STK10: variants seen among roughly 807,000 people sequenced by gnomAD.
STK10 encodes serine/threonine kinase 10, also known as serine/threonine-protein kinase 10.
In STK10, 78 loss-of-function variants were observed where a neutral mutation model predicts 113.8. The observed-to-expected ratio is 0.69, with a 90% confidence interval of 0.57 to 0.83. The LOEUF is 0.83. STK10 is among the 40% of genes least tolerant of loss of function. The pLI, the probability that STK10 is intolerant of heterozygous loss-of-function variation, is 0.00. For missense variants in STK10, 1,109 were observed against 1,280.1 expected (o/e 0.87, Z 2.04); for synonymous variants, 465 against 494.7 (o/e 0.94, Z 0.80).
In STK10 at chr5:172,062,222, C is replaced by T. The variant is rs913224876; in HGVS notation, c.2083-954G>A. Among the ~76,000 whole-genome samples the T allele has an allele frequency of 2.0e-5, 3 of 152,188 alleles. No homozygotes were observed. In the East Asian group the frequency reaches 5.8e-4, roughly 29 times the overall value. On this transcript the variant is annotated intron_variant, in intron 13 of 18. Transcript: ENST00000176763. ...TCAACTCCTGGCCTCAAGTGATCCA[C>T]CCGCCTCGGCCTCCCTATTCCTGTG...
chr5:172,101,222 G>A (rs1768982239), intron 7 of STK10, among the ~76,000 whole-genome samples: 1 of 152,004 alleles, frequency 6.6e-6, no homozygotes, highest in African/African-American at 2.4e-5. Flanking sequence ...TGTAATCCCA[G>A]CACTTTGGGA....
intron 2 of STK10, among the ~76,000 whole-genome samples, chr5:172,153,113 C>T (rs1319774052): frequency 6.6e-6 from 1 of 151,874 alleles, no homozygotes; most frequent in African/African-American, 2.4e-5. Flanking sequence ...ATGGAGAAAC[C>T]CCATCTCTAC....
intron 13 of STK10, among the ~76,000 whole-genome samples, chr5:172,063,131 T>C (rs958675226): frequency 7.9e-5 from 12 of 151,932 alleles, no homozygotes; most frequent in Admixed American, 7.9e-4. Flanking sequence ...GCACCTGTAG[T>C]CCCAGCTACT....
At chr5:172,090,986 T>C (rs1768690392) in intron 9 of STK10, among the ~76,000 whole-genome samples, 1 of 142,816 alleles carries the variant, frequency 7.0e-6, no homozygotes, top group Non-Finnish European at 1.5e-5. Context: ...TAACCCTCAC[T>C]GCACCACTTA....
rs72835296 is a variant in STK10 at position 172,042,841 on chromosome 5, T to A, written c.*2041A>T. On this transcript the variant is annotated 3_prime_UTR_variant, in exon 19 of 19. Coordinates refer to ENST00000176763, the MANE Select transcript of STK10 (RefSeq NM_005990.4). The stretch of plus-strand genomic sequence containing the variant: ...TCCAAGAGAATCTTGACTGTGCATT[T>A]AAGATTTGGGCAGTCCCCTTTTCCT... 6.6e-6 allele frequency: 1 copy of A among 152,252 alleles called. No individual in the cohort carries two copies. The highest frequency in any genetic ancestry group is 1.5e-5 in the Non-Finnish European group (1 of 68,052). 9.4% of individuals were successfully genotyped at this position (152,252 alleles called of 1,614,324 possible).
At chr5:172,092,098 C>A (rs983387467) in intron 9 of STK10, among the ~76,000 whole-genome samples, 1 of 152,236 alleles carries the variant, frequency 6.6e-6, no homozygotes, top group Non-Finnish European at 1.5e-5. Flanking sequence ...CTACGGTGAC[C>A]AGCTCACATG....
chr5:172,070,730 G>A (rs1488247366), intron 12 of STK10, among the ~76,000 whole-genome samples: 4 of 152,044 alleles, frequency 2.6e-5, no homozygotes, highest in Non-Finnish European at 5.9e-5. Context: ...AGGGAAGGAG[G>A]AGGAGAGGAG....
In STK10 at chr5:172,091,371, G is replaced by C. The variant is rs185355080; in HGVS notation, c.1555-1009C>G. Among the ~76,000 whole-genome samples, 91 of 152,152 alleles carry C rather than the reference G, an allele frequency of 6.0e-4. 1 individual carries two copies. Among genetic ancestry groups the C allele is most frequent in the African/African-American group, 2.2e-3 (90 of 41,502 alleles). On this transcript the variant is annotated intron_variant, in intron 9 of 18. Coordinates refer to ENST00000176763, the MANE Select transcript of STK10 (RefSeq NM_005990.4). ...TCTTTTCCTGTGAGTAATCGCACAC[G>C]CCACAAGTGATTGTGCAGGTGCCAC... is the stretch of plus-strand genomic sequence containing the variant.
chr5:172,086,778 C>T (rs1046297505), intron 10 of STK10, among the ~76,000 whole-genome samples: 1 of 152,198 alleles, frequency 6.6e-6, no homozygotes, highest in African/African-American at 2.4e-5. Flanking sequence ...CCACGGCAGG[C>T]AAGCGAGAAA....
chr5:172,086,031 C>G (rs1040141599), intron 10 of STK10, among the ~76,000 whole-genome samples: 7 of 152,216 alleles, frequency 4.6e-5, no homozygotes, highest in Non-Finnish European at 7.3e-5. Context: ...TGAATCTAGG[C>G]TCAGTCAGCT....
chr5:172,142,188 T>TC (rs1769986318), intron 2 of STK10, among the ~76,000 whole-genome samples: 2 of 152,172 alleles, frequency 1.3e-5, no homozygotes. Context: ...TTATTTGCCT[T>TC]TTTGGCCCAG....
intron 1 of STK10, among the ~76,000 whole-genome samples, chr5:172,182,315 A>AG (rs1308916384): frequency 8.6e-5 from 13 of 151,272 alleles, no homozygotes; most frequent in Admixed American, 8.6e-4. Flanking sequence ...AGGGAAAAAA[A>AG]AAAAAAAAAA....
chr5:172,045,504 A>C (rs1002078120), intron 18 of STK10: 4 of 448,164 alleles, frequency 8.9e-6, no homozygotes, highest in African/African-American at 8.1e-5. Context: ...ACAAAAACAA[A>C]AACAAAATAC....
At chr5:172,175,768 G>A (rs893699289) in intron 1 of STK10, among the ~76,000 whole-genome samples, 5 of 152,184 alleles carry the variant, frequency 3.3e-5, no homozygotes, top group Non-Finnish European at 7.3e-5. Flanking sequence ...TCTGTGCTAT[G>A]CAAGAGAAAA....
At chr5:172,064,670 C>T (rs756000232) in intron 13 of STK10, 50 bp downstream of exon 13, 89 of 1,596,918 alleles carry the variant, frequency 5.6e-5, no homozygotes, top group Non-Finnish European at 7.2e-5. Flanking sequence ...GGTCACCATT[C>T]CAGGTCTCGC....
chr5:172,042,823 G>C lies in STK10; in HGVS notation c.*2059C>G, dbSNP rs1159373789. On this transcript the variant is annotated 3_prime_UTR_variant, in exon 19 of 19. Coordinates refer to ENST00000176763, the MANE Select transcript of STK10 (RefSeq NM_005990.4). ...CTGAGAACCATTGCTAGCTCCAAGA[G>C]AATCTTGACTGTGCATTTAAGATTT... 2.0e-5 allele frequency: 3 copies of C among 152,248 alleles called. No homozygotes were observed. Among genetic ancestry groups the C allele is most frequent in the African/African-American group, 7.2e-5 (3 of 41,464 alleles). 9.4% of individuals were successfully genotyped at this position (152,248 alleles called of 1,614,324 possible).
chr5:172,183,882 C>G (rs1194934538), intron 1 of STK10, among the ~76,000 whole-genome samples: 1 of 152,160 alleles, frequency 6.6e-6, no homozygotes. Flanking sequence ...CTATCCTCCT[C>G]TTTTTCTCCT....
rs1218133188 is a variant in STK10, at chr5:172,094,053, A to G, written c.1006-93T>C. 3.8e-6 allele frequency: 4 copies of G among 1,046,340 alleles called. No individual in the cohort carries two copies. The African/African-American group carries it at 4.9e-5, about 13-fold the overall frequency. The allele number at this position is 1,046,340 out of a possible 1,614,324, so 64.8% of individuals were successfully genotyped here. A position where few individuals can be genotyped will look rare whatever the true frequency, so the allele number is the denominator to read the frequency against. On this transcript the variant is annotated intron_variant, in intron 8 of 18. Coordinates refer to ENST00000176763, the MANE Select transcript of STK10 (RefSeq NM_005990.4). ...CAGTGGAGAAAGTCAGACACCCTCA[A>G]GATGAAGTGGGCCAGCGCCAAGAAA...
chr5:172,178,563 C>G (rs1379224926), intron 1 of STK10, among the ~76,000 whole-genome samples: 3 of 152,228 alleles, frequency 2.0e-5, no homozygotes, highest in Non-Finnish European at 4.4e-5. Flanking sequence ...GCTGTATGAG[C>G]TACTCAGGCA....
Sources: allele counts gnomAD v4.1 joint callset (sites outside exome capture counted in the v4.1 genomes callset), GRCh38; gene constraint gnomAD v4.1.1; transcripts MANE v1.5; gene names NCBI Gene and HGNC (gene_info 2026-07-23, HGNC 2026-07-21).